ACTN1: variants seen among roughly 807,000 people sequenced by gnomAD.
ACTN1 encodes alpha-actinin-1.
ACTN1 carries 30 observed loss-of-function variants against 119.6 expected under a neutral mutation model. The observed-to-expected ratio is 0.25, with a 90% CI of 0.19 to 0.34. The LOEUF is 0.34. Among genes scored for constraint, ACTN1 ranks in the 10% least tolerant of loss-of-function variants. ACTN1 has a pLI of 1.00. For missense variants in ACTN1, 764 were observed against 1,223.4 expected (o/e 0.62, Z 5.60); for synonymous variants, 429 against 472.6 (o/e 0.91, Z 1.20).
intron 3 of ACTN1, among the ~76,000 whole-genome samples, chr14:68,915,552 A>G (rs201433847): frequency 1.3e-5 from 2 of 152,344 alleles, no homozygotes; most frequent in East Asian, 1.9e-4. Context: ...GAAGCCTGGC[A>G]CAGGCAAAGC....
chr14:68,971,744 A>C (rs180814223), intron 1 of ACTN1, among the ~76,000 whole-genome samples: 14 of 152,306 alleles, frequency 9.2e-5, no homozygotes, highest in Admixed American at 7.8e-4. Context: ...GGCCTAGGGA[A>C]GACCCCACTC....
chr14:68,969,796 C>G (rs567940793), intron 1 of ACTN1, among the ~76,000 whole-genome samples: 12 of 152,318 alleles, frequency 7.9e-5, no homozygotes, highest in African/African-American at 2.9e-4. Context: ...ATGCGTTGGA[C>G]ATCTCCACAT....
chr14:68,971,459 TG>T (rs1260032944), intron 1 of ACTN1, among the ~76,000 whole-genome samples: 1 of 152,216 alleles, frequency 6.6e-6, no homozygotes, highest in Non-Finnish European at 1.5e-5. Context: ...CCGAGTACCT[TG>T]GGCTTGTGAA....
At chr14:68,899,532 C>A (rs997094171) in intron 8 of ACTN1, among the ~76,000 whole-genome samples, 1 of 151,714 alleles carries the variant, frequency 6.6e-6, no homozygotes, top group African/African-American at 2.4e-5. Context: ...ACACACACCT[C>A]ACACACACCC....
intron 1 of ACTN1, among the ~76,000 whole-genome samples, chr14:68,926,280 G>A (rs987922155): frequency 1.2e-4 from 18 of 152,178 alleles, no homozygotes; most frequent in Admixed American, 1.0e-3. Context: ...GCAAAAGCAT[G>A]AAGAGTTCCA....
intron 10 of ACTN1, among the ~76,000 whole-genome samples, chr14:68,891,382 T>C (rs1238740108): frequency 6.6e-6 from 1 of 152,192 alleles, no homozygotes; most frequent in Non-Finnish European, 1.5e-5. Context: ...AATGTAAGAT[T>C]GGGGGTTTTC....
chr14:68,977,581 T>C, intron 1 of ACTN1: 1 of 238,820 alleles, frequency 4.2e-6, no homozygotes, highest in Non-Finnish European at 8.4e-6. Context: ...TACCTCTGCC[T>C]GTCTGATGAA....
At chr14:68,941,548 C>T (rs1190250005) in intron 1 of ACTN1, among the ~76,000 whole-genome samples, 1 of 152,208 alleles carries the variant, frequency 6.6e-6, no homozygotes, top group Non-Finnish European at 1.5e-5. Context: ...CTTTCTGAGC[C>T]TCAGTTTCCT....
intron 1 of ACTN1, among the ~76,000 whole-genome samples, chr14:68,953,733 A>G (rs927585587): frequency 1.3e-5 from 2 of 151,942 alleles, no homozygotes; most frequent in African/African-American, 4.8e-5. Context: ...AAAAAAAAAA[A>G]AAAATTAGCT....
At position 68,882,380 on chromosome 14, in the gene ACTN1, C is replaced by T; in HGVS notation, c.1953+78G>A. ...CCTCCATGGGTCCCACCCAGGGAGACAGGCAGCCTGGCTGGCTAGGATAGT... is the reference window on the plus strand; with the variant it reads ...CCTCCATGGGTCCCACCCAGGGAGATAGGCAGCCTGGCTGGCTAGGATAGT... On this transcript the variant is annotated intron_variant, in intron 16 of 21. Transcript: ENST00000394419. The surrounding 1 kb of genome is among the most constrained non-coding windows in gnomAD (Gnocchi z 4.5). 1 of 1,566,294 alleles carries T rather than the reference C, an allele frequency of 6.4e-7. No individual in the cohort carries two copies. Among genetic ancestry groups the T allele is most frequent in the Non-Finnish European group, 8.7e-7 (1 of 1,152,578 alleles).
At chr14:68,940,097 G>T (rs1161692771) in intron 1 of ACTN1, among the ~76,000 whole-genome samples, 1 of 152,216 alleles carries the variant, frequency 6.6e-6, no homozygotes, top group Non-Finnish European at 1.5e-5. Context: ...GTCCTCCGGG[G>T]TTACAGTTTG....
At chr14:68,894,972 C>T (rs779329147) in intron 8 of ACTN1, among the ~76,000 whole-genome samples, 3 of 151,686 alleles carry the variant, frequency 2.0e-5, no homozygotes, top group South Asian at 2.1e-4. Context: ...AAGAACTTCT[C>T]GAATCCGCCC....
chr14:68,972,208 T>C (rs867490699), intron 1 of ACTN1, among the ~76,000 whole-genome samples: 61 of 152,196 alleles, frequency 4.0e-4, no homozygotes, highest in African/African-American at 1.4e-3. Flanking sequence ...ATCTATGATC[T>C]ATTCCTGGTC....
chr14:68,978,746 TCC>T (rs2037158848), intron 1 of ACTN1: 2 of 378,390 alleles, frequency 5.3e-6, no homozygotes, highest in Non-Finnish European at 9.3e-6. Context: ...GGCCCGGCGT[TCC>T]CGGGCTCCGG....
intron 6 of ACTN1, among the ~76,000 whole-genome samples, chr14:68,905,064 T>C (rs115453674): frequency 0.02 from 3,062 of 152,328 alleles, 101 homozygotes; most frequent in African/African-American, 0.067. Flanking sequence ...CCATCCATCC[T>C]GGCTTCTGGT....
chr14:68,877,256 A>C lies in ACTN1; in HGVS notation c.2428-16T>G. ...CTGCTTCTCCCTGGAGGGAACAGCC[A>C]AACCCAGGCCTGTCAGCCCATGGCC... On this transcript the variant is annotated splice_polypyrimidine_tract_variant and intron_variant, in intron 20 of 21. Transcript: ENST00000394419. 6.2e-7 allele frequency: 1 copy of C among 1,613,866 alleles called. No homozygotes were observed. The highest frequency in any genetic ancestry group is 1.1e-5 in the South Asian group (1 of 91,064).
intron 3 of ACTN1, 90 bp from the exon 4 acceptor site, chr14:68,912,332 C>A (rs1040481900): frequency 9.9e-7 from 1 of 1,006,482 alleles, no homozygotes; most frequent in South Asian, 1.3e-5. Flanking sequence ...CCATGCCCCA[C>A]GCTAGGAATC....
In ACTN1 at chr14:68,977,659, GA is replaced by G. The variant is rs1000646300; in HGVS notation, c.105+1292del. On this transcript the variant is annotated intron_variant, in intron 1 of 21. Coordinates refer to ENST00000394419, the MANE Select transcript of ACTN1 (RefSeq NM_001130004.2). ...GAGCTAATACAGGATGCCTTTGGCT[GA>G]AAAAAAAAACTTCAGTCGGCTCTAT... The G allele has an allele frequency of 1.1e-3, 302 of 269,874 alleles. 1 individual carries two copies. The highest frequency in any genetic ancestry group is 5.0e-3 in the African/African-American group (217 of 42,984). 16.7% of individuals were successfully genotyped at this position (269,874 alleles called of 1,614,324 possible).
At chr14:68,922,712 G>A (rs1013655207) in intron 2 of ACTN1, among the ~76,000 whole-genome samples, 2 of 152,252 alleles carry the variant, frequency 1.3e-5, no homozygotes, top group Admixed American at 6.5e-5. Flanking sequence ...GTTCTCAAAC[G>A]TCAGTCAGCA....
Sources: allele counts gnomAD v4.1 joint callset (sites outside exome capture counted in the v4.1 genomes callset), GRCh38; gene constraint gnomAD v4.1.1; non-coding constraint Gnocchi (gnomAD v3.1); transcripts MANE v1.5; gene names NCBI Gene and HGNC (gene_info 2026-07-23, HGNC 2026-07-21).